The following MARCHF1 variants were observed in gnomAD, a reference collection of about 807,000 sequenced individuals.
MARCHF1 encodes the protein membrane associated ring-CH-type finger 1, also known as E3 ubiquitin-protein ligase MARCHF1.
Under a neutral mutation model 54.2 loss-of-function variants are expected in MARCHF1, and 40 were observed. The ratio of observed to expected loss-of-function variants is 0.74; its 90% confidence interval spans 0.57 to 0.96. The LOEUF (loss-of-function observed/expected upper bound fraction) is 0.96. MARCHF1 is among the 40% of genes least tolerant of loss of function. The probability of loss-of-function intolerance (pLI) is 0.00; values close to 1 mark genes in which losing one functional copy is unlikely to be tolerated. For missense variants in MARCHF1, 586 were observed against 656.5 expected, an observed-to-expected ratio of 0.89 and a Z score of 1.17; for synonymous variants, 236 against 236.3, an observed-to-expected ratio of 1.00 and a Z score of 0.01.
chr4:164,356,609 G>A (rs1730546157), intron 1 of MARCHF1, among the ~76,000 whole-genome samples: 2 of 141,058 alleles, frequency 1.4e-5, no homozygotes, highest in South Asian at 4.6e-4. Context: ...TCTGGGGACT[G>A]TGGTGGGGTG....
intron 3 of MARCHF1, among the ~76,000 whole-genome samples, chr4:163,887,993 A>C (rs897835129): frequency 6.6e-6 from 1 of 152,172 alleles, no homozygotes; most frequent in Admixed American, 6.6e-5. Context: ...TTCATTCTAT[A>C]AGAATCAATG....
intron 2 of MARCHF1, among the ~76,000 whole-genome samples, chr4:164,042,754 A>C (rs1754155745): frequency 6.6e-6 from 1 of 152,092 alleles, no homozygotes; most frequent in Non-Finnish European, 1.5e-5. Context: ...ATTCTCTTCC[A>C]CCTATAAACC....
intron 5 of MARCHF1, among the ~76,000 whole-genome samples, chr4:163,678,812 T>C (rs1307533366): frequency 6.6e-6 from 1 of 152,234 alleles, no homozygotes; most frequent in Non-Finnish European, 1.5e-5. Flanking sequence ...TCACTGTTTA[T>C]CCACATATTA....
chr4:163,714,474 T>C (rs947374220), intron 4 of MARCHF1, among the ~76,000 whole-genome samples: 1 of 152,230 alleles, frequency 6.6e-6, no homozygotes, highest in African/African-American at 2.4e-5. Flanking sequence ...CATTACTTAA[T>C]AAACTGTTTC....
chr4:163,817,378 TATATACACATGC>T (rs1386959412), intron 4 of MARCHF1, among the ~76,000 whole-genome samples: 1 of 149,294 alleles, frequency 6.7e-6, no homozygotes, highest in African/African-American at 2.6e-5. Context: ...TATACATACA[TATATACACATGC>T]ATATATACAC....
intron 2 of MARCHF1, among the ~76,000 whole-genome samples, chr4:164,025,514 CA>C (rs1321808422): frequency 6.6e-6 from 1 of 151,628 alleles, no homozygotes; most frequent in African/African-American, 2.4e-5. Context: ...AAATTAAGGC[CA>C]AAAAATTATT....
At chr4:164,270,852 A>G (rs1482411902) in intron 1 of MARCHF1, among the ~76,000 whole-genome samples, 1 of 152,182 alleles carries the variant, frequency 6.6e-6, no homozygotes, top group Non-Finnish European at 1.5e-5. Flanking sequence ...CGTTCCTCTT[A>G]GTCCTCAACA....
chr4:163,792,452 T>A (rs1359729060), intron 4 of MARCHF1, among the ~76,000 whole-genome samples: 4 of 152,114 alleles, frequency 2.6e-5, no homozygotes, highest in African/African-American at 9.7e-5. Context: ...AACAAATACT[T>A]GCTGATCTTC....
At chr4:164,235,331 C>G (rs1292507781) in intron 1 of MARCHF1, among the ~76,000 whole-genome samples, 1 of 152,014 alleles carries the variant, frequency 6.6e-6, no homozygotes, top group Non-Finnish European at 1.5e-5. Context: ...ATGTTTTCTT[C>G]ACGTTGGATC....
intron 2 of MARCHF1, among the ~76,000 whole-genome samples, chr4:163,989,478 G>C (rs1221344260): frequency 2.0e-5 from 3 of 152,094 alleles, no homozygotes; most frequent in Non-Finnish European, 4.4e-5. Context: ...CAGCTTTATT[G>C]CAACTTCTGT....
At chr4:164,252,121 CT>C (rs1196304634) in intron 1 of MARCHF1, among the ~76,000 whole-genome samples, 1 of 152,076 alleles carries the variant, frequency 6.6e-6, no homozygotes, top group East Asian at 1.9e-4. Flanking sequence ...TGATTAGCCT[CT>C]ATTACTTAAG....
chr4:164,349,151 T>C (rs1477237368), intron 1 of MARCHF1, among the ~76,000 whole-genome samples: 1 of 152,174 alleles, frequency 6.6e-6, no homozygotes. Flanking sequence ...ACCTTTCAGT[T>C]ACCAAAATAG....
chr4:163,599,529 G>A (rs150044879), intron 7 of MARCHF1, among the ~76,000 whole-genome samples: 132 of 152,080 alleles, frequency 8.7e-4, no homozygotes, highest in African/African-American at 2.9e-3. Context: ...TTTGCTTTGT[G>A]TTTTTGCTGT....
At chr4:163,980,970 C>T (rs957843697) in intron 3 of MARCHF1, among the ~76,000 whole-genome samples, 3 of 152,140 alleles carry the variant, frequency 2.0e-5, no homozygotes, top group Admixed American at 6.6e-5. Context: ...GTATGGAGCT[C>T]GCTTAGAAAT....
chr4:163,624,232 G>A (rs115207002), intron 5 of MARCHF1, among the ~76,000 whole-genome samples: 207 of 152,246 alleles, frequency 1.4e-3, no homozygotes, highest in African/African-American at 4.5e-3. Flanking sequence ...AGAATGCTCC[G>A]TGAAACCCTG....
Position 163,780,027 on chromosome 4 carries a change from T to C in MARCHF1, c.111+73994A>G, listed in dbSNP as rs139376204. Reference sequence around the variant, plus strand: ...AGGACACCTAAGTCTGGGAATGAACTCAAGGACCAGGCTTGGACCACACGG... The same window carrying C: ...AGGACACCTAAGTCTGGGAATGAACCCAAGGACCAGGCTTGGACCACACGG... On this transcript the variant is annotated intron_variant, in intron 4 of 9. Transcript: ENST00000514618. Among the ~76,000 whole-genome samples the C allele has an allele frequency of 9.3e-4, 141 of 152,264 alleles. 1 individual carries two copies. Among genetic ancestry groups the C allele is most frequent in the African/African-American group, 3.3e-3 (137 of 41,546 alleles).
At chr4:164,213,689 T>C (rs1468275903) in intron 1 of MARCHF1, among the ~76,000 whole-genome samples, 1 of 152,122 alleles carries the variant, frequency 6.6e-6, no homozygotes, top group African/African-American at 2.4e-5. Flanking sequence ...AATGTATCTA[T>C]TATAAATGAG....
chr4:164,056,953 G>A (rs768487766), intron 2 of MARCHF1, among the ~76,000 whole-genome samples: 3 of 152,066 alleles, frequency 2.0e-5, no homozygotes, highest in Non-Finnish European at 1.5e-5. Context: ...AGAAGAGGCT[G>A]GAATGTGGGC....
At chr4:163,655,809 G>A (rs1286220832) in intron 5 of MARCHF1, among the ~76,000 whole-genome samples, 2 of 151,960 alleles carry the variant, frequency 1.3e-5, no homozygotes, top group African/African-American at 4.8e-5. Context: ...AATGACTCCT[G>A]AGTAAATAAT....
Sources: gnomAD v4.1 joint callset for allele counts (sites outside exome capture counted in the v4.1 genomes callset) on GRCh38, gnomAD v4.1.1 for gene constraint, MANE v1.5 for transcripts, NCBI Gene and HGNC (gene_info 2026-07-23, HGNC 2026-07-21) for gene names.